The following GADL1 variants were observed in gnomAD, a reference collection of about 807,000 sequenced individuals.
GADL1 encodes GAD like acidic amino acid decarboxylase 1.
Under a neutral mutation model 69.5 loss-of-function variants are expected in GADL1, and 71 were observed. The observed-to-expected ratio is 1.02, with a 90% CI of 0.84 to 1.25. GADL1 has a LOEUF of 1.25. Among genes scored for constraint, GADL1 ranks in the 50% most tolerant of loss-of-function variants. The pLI, the probability that GADL1 is intolerant of heterozygous loss-of-function variation, is 0.00. For synonymous variants in GADL1, 254 were observed against 214.4 expected (o/e 1.18, Z -1.62); for missense variants, 737 against 631.8 (o/e 1.17, Z -1.79).
chr3:30,768,910 A>G (rs1696350995), intron 14 of GADL1, among the ~76,000 whole-genome samples: 1 of 152,148 alleles, frequency 6.6e-6, no homozygotes, highest in Admixed American at 6.5e-5. Flanking sequence ...AAGTGCCACC[A>G]GGGGGCAGGC....
chr3:30,814,053 T>C (rs1391713457), intron 11 of GADL1, among the ~76,000 whole-genome samples: 1 of 152,208 alleles, frequency 6.6e-6, no homozygotes, highest in Admixed American at 6.5e-5. Flanking sequence ...ACATTTATCG[T>C]GTGCTTACTA....
intron 14 of GADL1, among the ~76,000 whole-genome samples, chr3:30,772,268 G>A (rs1696434516): frequency 6.6e-6 from 1 of 152,078 alleles, no homozygotes; most frequent in South Asian, 2.1e-4. Context: ...TCAGCAAATG[G>A]AAAAAATTGA....
At chr3:30,762,094 T>C (rs866793092) in intron 14 of GADL1, among the ~76,000 whole-genome samples, 2 of 152,164 alleles carry the variant, frequency 1.3e-5, no homozygotes, top group Non-Finnish European at 2.9e-5. Flanking sequence ...TTGACTGCCC[T>C]GCTTAGGAAC....
At chr3:30,853,385 G>T (rs1698179596) in intron 4 of GADL1, among the ~76,000 whole-genome samples, 1 of 152,112 alleles carries the variant, frequency 6.6e-6, no homozygotes, top group African/African-American at 2.4e-5. Context: ...TCAGGGTGGT[G>T]AATCACTGAC....
rs999908904 is a variant in GADL1, at chr3:30,728,023, T to G, written c.*219A>C. 1.6e-5 allele frequency: 5 copies of G among 316,920 alleles called. No homozygotes were observed. Among genetic ancestry groups the G allele is most frequent in the Non-Finnish European group, 2.9e-5 (5 of 174,162 alleles). The allele number at this position is 316,920 out of a possible 1,614,324, so 19.6% of individuals were successfully genotyped here. ...CCAGGGGCATTCCTTGAGAAAATCA[T>G]TTTTTTTTTTAAACTTTCTTCTTTT... On this transcript the variant is annotated 3_prime_UTR_variant, in exon 15 of 15. Transcript: ENST00000282538.
intron 11 of GADL1, among the ~76,000 whole-genome samples, chr3:30,803,077 G>A (rs1038899965): frequency 1.3e-5 from 2 of 152,212 alleles, no homozygotes; most frequent in Admixed American, 1.3e-4. Flanking sequence ...ACGCAACACA[G>A]TGGGACCCTG....
rs184612549 is a variant in GADL1, at chr3:30,744,438, T to A, written c.1393-16023A>T. Among the ~76,000 whole-genome samples, 137 of 152,252 alleles carry A rather than the reference T, an allele frequency of 9.0e-4. No individual in the cohort carries two copies. The Middle Eastern group carries it at 0.014, about 15-fold the overall frequency. On this transcript the variant is annotated intron_variant, in intron 14 of 14. Coordinates refer to ENST00000282538, the MANE Select transcript of GADL1 (RefSeq NM_207359.3). ...TTTTTGTGAAGAGCCAGATAGTAGCTGAGTATGATGACCCCTAATCTCAGC... is the reference window on the plus strand; with the variant it reads ...TTTTTGTGAAGAGCCAGATAGTAGCAGAGTATGATGACCCCTAATCTCAGC...
chr3:30,830,603 G>C (rs747726746), intron 11 of GADL1, among the ~76,000 whole-genome samples: 4 of 151,822 alleles, frequency 2.6e-5, no homozygotes, highest in Non-Finnish European at 5.9e-5. Flanking sequence ...AAGTTTTTCA[G>C]GGCTAAGTTC....
intron 1 of GADL1, among the ~76,000 whole-genome samples, chr3:30,876,047 T>C (rs1698572555): frequency 6.6e-6 from 1 of 152,028 alleles, no homozygotes; most frequent in Non-Finnish European, 1.5e-5. Context: ...TATGAATGTT[T>C]TCTTCAGTTC....
Position 30,800,933 on chromosome 3 carries a change from T to C in GADL1, c.1206A>G (p.Thr402=). 6.2e-7 allele frequency: 1 copy of C among 1,613,314 alleles called. No individual in the cohort carries two copies. The part of the protein sequence containing the change: ...KFWMTWKALG[T]LGLEERVNRA... Reference sequence around the variant, plus strand: ...GATTAACTCTTTCTTCAAGGCCTAATGTACCCAGGGCCTTCCAGGTCATCC... The same window carrying C: ...GATTAACTCTTTCTTCAAGGCCTAACGTACCCAGGGCCTTCCAGGTCATCC... The change falls in exon 12 of 15, where the codon ACA becomes ACG. Residue 402 remains threonine, a synonymous_variant. Coordinates refer to ENST00000282538, the MANE Select transcript of GADL1 (RefSeq NM_207359.3).
At chr3:30,728,897 T>C (rs1281380150) in intron 14 of GADL1, among the ~76,000 whole-genome samples, 1 of 152,160 alleles carries the variant, frequency 6.6e-6, no homozygotes, top group Non-Finnish European at 1.5e-5. Flanking sequence ...AAGGAAACCC[T>C]TCCAGTTGTC....
chr3:30,786,981 G>T (rs1559499719), intron 12 of GADL1, among the ~76,000 whole-genome samples: 1 of 152,148 alleles, frequency 6.6e-6, no homozygotes, highest in Non-Finnish European at 1.5e-5. Context: ...TTGCTTATAA[G>T]TGGGAGCTGA....
intron 14 of GADL1, among the ~76,000 whole-genome samples, chr3:30,760,833 G>T (rs1696108800): frequency 6.6e-6 from 1 of 152,162 alleles, no homozygotes. Context: ...TGGGCAGCCT[G>T]TGGAGCCTCA....
chr3:30,772,421 A>C (rs1315569602), intron 14 of GADL1, among the ~76,000 whole-genome samples: 1 of 152,126 alleles, frequency 6.6e-6, no homozygotes, highest in Non-Finnish European at 1.5e-5. Context: ...ATGGGGCAAA[A>C]CAAACTAGTG....
At chr3:30,754,324 C>CT (rs1695911237) in intron 14 of GADL1, among the ~76,000 whole-genome samples, 1 of 152,024 alleles carries the variant, frequency 6.6e-6, no homozygotes, top group African/African-American at 2.4e-5. Context: ...TTCTGTCAAA[C>CT]TGATGAAACA....
intron 9 of GADL1, among the ~76,000 whole-genome samples, chr3:30,834,962 A>G (rs1382995609): frequency 6.6e-6 from 1 of 152,124 alleles, no homozygotes; most frequent in Non-Finnish European, 1.5e-5. Context: ...GCTTCTTGAA[A>G]ATGGTGCAGA....
intron 11 of GADL1, among the ~76,000 whole-genome samples, chr3:30,821,461 G>C (rs1355621468): frequency 6.6e-6 from 1 of 151,884 alleles, no homozygotes; most frequent in Non-Finnish European, 1.5e-5. Context: ...AACTGGTCAT[G>C]AACTGATCCC....
intron 12 of GADL1, among the ~76,000 whole-genome samples, chr3:30,790,577 G>C (rs1393797886): frequency 6.6e-6 from 1 of 152,090 alleles, no homozygotes; most frequent in African/African-American, 2.4e-5. Flanking sequence ...AATGATACCA[G>C]AAATAAATTT....
At chr3:30,751,600 T>C (rs951456700) in intron 14 of GADL1, among the ~76,000 whole-genome samples, 2 of 151,986 alleles carry the variant, frequency 1.3e-5, no homozygotes, top group Admixed American at 1.3e-4. Flanking sequence ...TGGAGGTATC[T>C]ATAGAAGATA....
Sources: allele counts gnomAD v4.1 joint callset (sites outside exome capture counted in the v4.1 genomes callset), GRCh38; gene constraint gnomAD v4.1.1; transcripts MANE v1.5; gene names NCBI Gene and HGNC (gene_info 2026-07-23, HGNC 2026-07-21).